SORBS2: variants seen among roughly 807,000 people sequenced by gnomAD.
The protein encoded by SORBS2 is sorbin and SH3 domain-containing protein 2.
In SORBS2, 46 loss-of-function variants were observed where a neutral mutation model predicts 97.7. The observed-to-expected ratio is 0.47, with a 90% CI of 0.37 to 0.60. SORBS2 has a LOEUF of 0.60. Among genes scored for constraint, SORBS2 ranks in the 20% least tolerant of loss-of-function variants. The pLI, the probability that SORBS2 is intolerant of heterozygous loss-of-function variation, is 0.00. For synonymous variants in SORBS2, 476 were observed against 473.4 expected (o/e 1.01, Z -0.07); for missense variants, 1,316 against 1,282.3 (o/e 1.03, Z -0.40).
chr4:185,762,692 T>A (rs1218993333), intron 2 of SORBS2, among the ~76,000 whole-genome samples: 1 of 152,244 alleles, frequency 6.6e-6, no homozygotes, highest in Non-Finnish European at 1.5e-5. Flanking sequence ...GTTAATTATG[T>A]AATATCTGGT....
In SORBS2 at chr4:185,695,943, A is replaced by G. The variant is rs1200710065; in HGVS notation, c.-197-17121T>C. ...CACACAAGTCAACAGTAGCGGCATG[A>G]CTGTCCATGCTCATAAGAACACCAA... On this transcript the variant is annotated intron_variant, in intron 2 of 20. Coordinates refer to the SORBS2 transcript ENST00000284776. Among the ~76,000 whole-genome samples the G allele has an allele frequency of 5.9e-5, 9 of 152,288 alleles. No individual in the cohort carries two copies. In the South Asian group the frequency reaches 1.9e-3, roughly 32 times the overall value.
At position 185,649,438 on chromosome 4, in the gene SORBS2, A is replaced by G. The variant is rs73030039; in HGVS notation, c.281+29T>C. 7.5e-3 allele frequency: 11,410 copies of G among 1,524,632 alleles called. 544 individuals are homozygous for G. The African/African-American group carries it at 0.12, about 16-fold the overall frequency. The allele number at this position is 1,524,632 out of a possible 1,614,324, so 94.4% of individuals were successfully genotyped here. A position where few individuals can be genotyped will look rare whatever the true frequency, so the allele number is the denominator to read the frequency against. ...GACTTATTTTTATCCTAAGCGAAAC[A>G]TAGGCCACCCTGGGGGGAAATGCCT... On this transcript the variant is annotated intron_variant, in intron 3 of 14. Coordinates refer to ENST00000418609, the Ensembl canonical transcript of SORBS2.
intron 2 of SORBS2, among the ~76,000 whole-genome samples, chr4:185,721,084 CTTTTTT>C (rs1160319469): frequency 1.4e-4 from 13 of 92,174 alleles, no homozygotes; most frequent in African/African-American, 5.3e-4. Flanking sequence ...CCCACCTATT[CTTTTTT>C]TTTTTTTTTT....
intron 1 of SORBS2, among the ~76,000 whole-genome samples, chr4:185,813,953 T>C: frequency 6.6e-6 from 1 of 152,136 alleles, no homozygotes; most frequent in East Asian, 1.9e-4. Flanking sequence ...CCCTCCATGC[T>C]TGGAATATTC....
chr4:185,690,474 A>T, intron 2 of SORBS2, 88 bp downstream of exon 4: 1 of 710,762 alleles, frequency 1.4e-6, no homozygotes, highest in East Asian at 2.8e-5. Context: ...CACATTTAGG[A>T]TCAGAAGAGT....
At chr4:185,781,684 C>G (rs914713400) in intron 1 of SORBS2, among the ~76,000 whole-genome samples, 4 of 125,816 alleles carry the variant, frequency 3.2e-5, no homozygotes, top group African/African-American at 5.1e-5. Context: ...CCTCTCCAGC[C>G]TCCCTTCCAT....
At chr4:185,840,012 GGAAA>G (rs2099210528) in intron 1 of SORBS2, among the ~76,000 whole-genome samples, 1 of 150,514 alleles carries the variant, frequency 6.6e-6, no homozygotes, top group Non-Finnish European at 1.5e-5. Flanking sequence ...AGAAAGAAGT[GGAAA>G]GAGAGGAGAG....
At chr4:185,637,309 G>T (rs2097027813) in intron 4 of SORBS2, among the ~76,000 whole-genome samples, 1 of 152,204 alleles carries the variant, frequency 6.6e-6, no homozygotes, top group African/African-American at 2.4e-5. Flanking sequence ...TGCTGTACAG[G>T]TTTGTAGCCC....
intron 5 of SORBS2, 76 bp downstream of exon 8, chr4:185,662,028 G>A: frequency 6.5e-7 from 1 of 1,535,012 alleles, no homozygotes; most frequent in Non-Finnish European, 8.9e-7. Flanking sequence ...TCACCTTGAT[G>A]CCGCATATCT....
At chr4:185,924,886 G>A (rs1579521067) in intron 1 of SORBS2, among the ~76,000 whole-genome samples, 1 of 152,080 alleles carries the variant, frequency 6.6e-6, no homozygotes, top group Non-Finnish European at 1.5e-5. Flanking sequence ...ACCACTCCAT[G>A]TGTGTCCGTG....
chr4:185,791,292 C>T lies in SORBS2; in HGVS notation c.-337-15926G>A, dbSNP rs775216599. On this transcript the variant is annotated intron_variant, in intron 1 of 20. Transcript: ENST00000284776. Reference sequence around the variant, plus strand: ...AAATGTTTAAGAAAAAGCTTTTCTGCACTTCATATGATCTTGTTTTGTTTG... The same window carrying T: ...AAATGTTTAAGAAAAAGCTTTTCTGTACTTCATATGATCTTGTTTTGTTTG... 1.1e-4 allele frequency among the ~76,000 whole-genome samples: 17 copies of T among 152,244 alleles called. 1 individual carries two copies. In the South Asian group the frequency reaches 2.9e-3, roughly 26 times the overall value.
At chr4:185,861,528 G>T (rs771719329) in intron 1 of SORBS2, among the ~76,000 whole-genome samples, 73 of 152,112 alleles carry the variant, frequency 4.8e-4, no homozygotes, top group Non-Finnish European at 8.7e-4. Flanking sequence ...TGCTTTAGAG[G>T]TCCCAGAGAG....
At chr4:185,615,890 G>T (rs978311144) in intron 9 of SORBS2, among the ~76,000 whole-genome samples, 1 of 152,118 alleles carries the variant, frequency 6.6e-6, no homozygotes, top group South Asian at 2.1e-4. Flanking sequence ...AAAATTGTAG[G>T]TATATTTGAT....
chr4:185,639,647 A>G (rs557802050), intron 4 of SORBS2, among the ~76,000 whole-genome samples: 2 of 152,330 alleles, frequency 1.3e-5, no homozygotes, highest in South Asian at 4.1e-4. Flanking sequence ...GATAATTACT[A>G]TATGACACTA....
At chr4:185,750,824 G>T (rs1167689240) in intron 2 of SORBS2, among the ~76,000 whole-genome samples, 1 of 152,036 alleles carries the variant, frequency 6.6e-6, no homozygotes, top group Non-Finnish European at 1.5e-5. Flanking sequence ...AAAGTTGGGG[G>T]TAAGGTACAA....
upstream of SORBS2, among the ~76,000 whole-genome samples, chr4:185,658,801 C>T (rs924738013): frequency 1.3e-5 from 2 of 151,338 alleles, no homozygotes; most frequent in South Asian, 2.1e-4. Context: ...CTGCCTCAGC[C>T]TCCAGAGTAG....
chr4:185,702,085 T>C (rs1388265115), intron 2 of SORBS2, among the ~76,000 whole-genome samples: 2 of 152,192 alleles, frequency 1.3e-5, no homozygotes, highest in Non-Finnish European at 1.5e-5. Flanking sequence ...TTCTTTTTTG[T>C]GGGAGAAGCC....
chr4:185,586,142 T>A (rs2095799085), exon 15 of SORBS2: 1 of 44,278 alleles, frequency 2.3e-5, no homozygotes, highest in Non-Finnish European at 7.0e-5. Context: ...TGTGAAAAGA[T>A]CAATATCACT....
chr4:185,822,973 C>T (rs1027523), intron 1 of SORBS2, among the ~76,000 whole-genome samples: 61,001 of 152,082 alleles, frequency 0.4, 12,781 homozygotes, highest in Non-Finnish European at 0.46. Flanking sequence ...AGGAAGCTGC[C>T]TTTCCTTTTT....
Sources: gnomAD v4.1 joint callset for allele counts (sites outside exome capture counted in the v4.1 genomes callset) on GRCh38, gnomAD v4.1.1 for gene constraint, MANE v1.5 for transcripts, NCBI Gene and HGNC (gene_info 2026-07-23, HGNC 2026-07-21) for gene names.